The following MMP9 variants were observed in gnomAD, a reference collection of about 807,000 sequenced individuals.
The protein encoded by MMP9 is matrix metalloproteinase-9.
In MMP9, 73 loss-of-function variants were observed where a neutral mutation model predicts 76.4. The observed-to-expected ratio is 0.96, with a 90% CI of 0.79 to 1.16. MMP9 has a LOEUF of 1.16. Ranked by LOEUF, MMP9 falls within the 50% of genes most tolerant of loss-of-function variation. The pLI is 0.00. For synonymous variants in MMP9, 412 were observed against 408.4 expected (o/e 1.01, Z -0.11); for missense variants, 943 against 973.0 (o/e 0.97, Z 0.41).
chr20:46,009,778 C>T, intron 1 of MMP9, 88 bp from the exon 2 acceptor site: 1 of 1,140,612 alleles, frequency 8.8e-7, no homozygotes, highest in Non-Finnish European at 1.3e-6. Flanking sequence ...AAGACTCCCT[C>T]CATGAGTGTC....
chr20:46,010,331 A>AAACAAAAAAAAAC, intron 2 of MMP9, 152 bp from the exon 3 acceptor site: 22 of 762,132 alleles, frequency 2.9e-5, no homozygotes, highest in Non-Finnish European at 2.9e-5. Flanking sequence ...CAAAAAAAAA[A>AAACAAAAAAAAAC]AAAAAAAAAA....
At position 46,010,583 on chromosome 20, in the gene MMP9, C is replaced by T; in HGVS notation, c.472C>T (p.Arg158Cys). ...WSAVTPLTFT[R>C]VYSRDADIVI... ...CGCGGTGACGCCGCTCACCTTCACT[C>T]GCGTGTACAGCCGGGACGCAGACAT... Residue 158 changes from arginine to cysteine, a missense_variant, in exon 3 of 13, where the codon CGC (arginine) becomes TGC (cysteine). Physicochemically the swap from Arg to Cys is radical, Grantham distance 180. Transcript: ENST00000372330. 2.5e-6 allele frequency: 4 copies of T among 1,614,134 alleles called. No homozygotes were observed. Among genetic ancestry groups the T allele is most frequent in the Non-Finnish European group, 1.7e-6 (2 of 1,180,014 alleles).
intron 6 of MMP9, 62 bp from the exon 7 acceptor site, chr20:46,012,075 C>G: frequency 1.9e-6 from 3 of 1,589,846 alleles, no homozygotes; most frequent in Non-Finnish European, 8.6e-7. Context: ...CCTGTCGGGT[C>G]GGCCCCTGAC....
Position 46,012,330 on chromosome 20 carries a change from G to T in MMP9, c.1174+17G>T, listed in dbSNP as rs752391096. 6.2e-7 allele frequency: 1 copy of T among 1,612,748 alleles called. No homozygotes were observed. Among genetic ancestry groups the T allele is most frequent in the African/African-American group, 1.3e-5 (1 of 75,064 alleles). On this transcript the variant is annotated intron_variant, in intron 7 of 12. Transcript: ENST00000372330. ...CGGACCAAGGTAGGCGTGGTCCCGC[G>T]GCTCCGGGGCTGGGGTTCCCGGCAG... is the stretch of plus-strand genomic sequence containing the variant.
chr20:46,010,328 A>AACAAACAAACAAAC (rs759197259), intron 2 of MMP9, among the ~76,000 whole-genome samples, 155 bp from the exon 3 acceptor site: 17 of 108,648 alleles, frequency 1.6e-4, no homozygotes, highest in Admixed American at 3.2e-4. Flanking sequence ...AGACAAAAAA[A>AACAAACAAACAAAC]AAAAAAAAAA....
At chr20:46,014,310 G>A (rs1051267993) in intron 11 of MMP9, 36 bp downstream of exon 11, 40 of 1,536,296 alleles carry the variant, frequency 2.6e-5, no homozygotes, top group Non-Finnish European at 3.3e-5. Flanking sequence ...GGGGGAGCCC[G>A]GGCGCCGTCG....
At position 46,012,416 on chromosome 20, in the gene MMP9, T is replaced by C; in HGVS notation, c.1175-11T>C. The C allele has an allele frequency of 6.2e-7, 1 of 1,613,958 alleles. No homozygotes were observed. The highest frequency in any genetic ancestry group is 1.1e-5 in the South Asian group (1 of 91,080). On this transcript the variant is annotated splice_polypyrimidine_tract_variant and intron_variant, in intron 7 of 12. Coordinates refer to ENST00000372330, the MANE Select transcript of MMP9 (RefSeq NM_004994.3). ...CCCGGCGCTCACGTCTCAGGCTCCC[T>C]CTCCCTCCAGGATACAGTTTGTTCC...
At position 46,011,230 on chromosome 20, in the gene MMP9, C is replaced by T. The variant is rs771359021; in HGVS notation, c.737C>T (p.Thr246Ile). ...FEGRSYSACT[T>I]DGRSDGLPWC... ...GGCCGCTCCTACTCTGCCTGCACCA[C>T]CGACGGTCGCTCCGACGGCTTGCCC... is the stretch of plus-strand genomic sequence containing the variant. The change falls in exon 5 of 13, where the codon ACC becomes ATC. Residue 246 changes from threonine to isoleucine, a missense_variant. Coordinates refer to ENST00000372330, the MANE Select transcript of MMP9 (RefSeq NM_004994.3). 6.2e-6 allele frequency: 10 copies of T among 1,613,726 alleles called. No individual in the cohort carries two copies. In the East Asian group the frequency reaches 1.8e-4, roughly 29 times the overall value.
At position 46,010,108 on chromosome 20, in the gene MMP9, G is replaced by A; in HGVS notation, c.371+10G>A. 2 of 1,542,216 alleles carry A rather than the reference G, an allele frequency of 1.3e-6. No homozygotes were observed. Among genetic ancestry groups the A allele is most frequent in the Non-Finnish European group, 8.8e-7 (1 of 1,140,934 alleles). ...ACAACATCACCTATTGGTGAGCCGG[G>A]GCCGTGGGGGCAGCGGGGTGGGGCG... On this transcript the variant is annotated intron_variant, in intron 2 of 12. Transcript: ENST00000372330.
rs1356018321 is a variant in MMP9 at position 46,010,331 on chromosome 20, A to AAAAACAAAACAAAAC, written c.372-148_372-147insCAAAACAAAACAAAA. 13 of 762,264 alleles carry AAAAACAAAACAAAAC rather than the reference A, an allele frequency of 1.7e-5. No homozygotes were observed. In the African/African-American group the frequency reaches 2.3e-4, roughly 13 times the overall value. 47.2% of individuals were successfully genotyped at this position (762,264 alleles called of 1,614,324 possible). A position where few individuals can be genotyped will look rare whatever the true frequency, so the allele number is the denominator to read the frequency against. ...GAGGGTCTAAGTAGACAAAAAAAAA[A>AAAAACAAAACAAAAC]AAAAAAAAAACAGTCTGGAAGCAAT... On this transcript the variant is annotated intron_variant, in intron 2 of 12. Coordinates refer to ENST00000372330, the MANE Select transcript of MMP9 (RefSeq NM_004994.3).
chr20:46,014,348 G>C, intron 11 of MMP9, 23 bp from the exon 12 acceptor site: 1 of 1,545,156 alleles, frequency 6.5e-7, no homozygotes, highest in Non-Finnish European at 8.7e-7. Flanking sequence ...CTCAGCACCT[G>C]TCTCCTCCGC....
At chr20:46,014,295 C>T (rs1421115295) in intron 11 of MMP9, 21 bp downstream of exon 11, 4 of 1,529,150 alleles carry the variant, frequency 2.6e-6, no homozygotes, top group African/African-American at 2.8e-5. Context: ...CCGCGGCCGC[C>T]GGCAGGGGGA....
Position 46,013,588 on chromosome 20 carries a change from C to T in MMP9, c.1610+54C>T, listed in dbSNP as rs2084298739. The T allele has an allele frequency of 1.9e-6, 3 of 1,611,220 alleles. No homozygotes were observed. Among genetic ancestry groups the T allele is most frequent in the Non-Finnish European group, 2.5e-6 (3 of 1,178,148 alleles). On this transcript the variant is annotated intron_variant, in intron 9 of 12. Transcript: ENST00000372330. This position sits in a 1 kb window ranked among gnomAD's most constrained non-coding sequence, Gnocchi z 4.5. ...GAGGGGGCTTTGCGGAGGGGCTGCC[C>T]GTCCCTTCCCGCCCACTGGCCCTGT...
In MMP9 at chr20:46,016,282, T is replaced by C; in HGVS notation, c.2038T>C (p.Trp680Arg). 6.2e-7 allele frequency: 1 copy of C among 1,614,266 alleles called. No individual in the cohort carries two copies. Among genetic ancestry groups the C allele is most frequent in the South Asian group, 1.1e-5 (1 of 91,090 alleles). Residue 680 changes from tryptophan (W) to arginine (R), a missense_variant, in exon 13 of 13, where the codon TGG becomes CGG. Physicochemically the swap from Trp to Arg is moderately radical, Grantham distance 101. Coordinates refer to ENST00000372330, the MANE Select transcript of MMP9 (RefSeq NM_004994.3). The part of the protein sequence containing the change: ...KAYFCQDRFY[W>R]RVSSRSELNQ... ...CTATTTCTGCCAGGACCGCTTCTAC[T>C]GGCGCGTGAGTTCCCGGAGTGAGTT... is the stretch of plus-strand genomic sequence containing the variant.
At chr20:46,010,458 C>G (rs776564549) in intron 2 of MMP9, 25 bp from the exon 3 acceptor site, 1 of 1,613,636 alleles carries the variant, frequency 6.2e-7, no homozygotes, top group Non-Finnish European at 8.5e-7. Context: ...CTTCTGACCT[C>G]CTTCCTCTGG....
Position 46,013,692 on chromosome 20 carries a change from G to A in MMP9, c.1646G>A (p.Arg549Gln), listed in dbSNP as rs2084299808. Residue 549 changes from arginine to glutamine, a missense_variant, in exon 10 of 13, where the codon CGG (arginine) becomes CAG (glutamine). Physicochemically the swap from Arg to Gln is conservative, Grantham distance 43. Coordinates refer to ENST00000372330, the MANE Select transcript of MMP9 (RefSeq NM_004994.3). The surrounding 1 kb of genome is among the most constrained non-coding windows in gnomAD (Gnocchi z 4.5). ...YWRFSEGRGS[R>Q]PQGPFLIADK... The stretch of plus-strand genomic sequence containing the variant: ...CGATTCTCTGAGGGCAGGGGGAGCC[G>A]GCCGCAGGGCCCCTTCCTTATCGCC... The A allele has an allele frequency of 2.5e-6, 4 of 1,613,514 alleles. No homozygotes were observed. The highest frequency in any genetic ancestry group is 1.3e-5 in the African/African-American group (1 of 74,886).
Position 46,013,092 on chromosome 20 carries a change from G to A in MMP9, c.1331-163G>A, listed in dbSNP as rs3787268. 0.18 allele frequency among the ~76,000 whole-genome samples: 26,885 copies of A among 151,524 alleles called. 2,703 individuals are homozygous for A. Among genetic ancestry groups the A allele is most frequent in the East Asian group, 0.4 (1,937 of 4,884 alleles). ...GGCCATAGAGGATGTCGCTTAAAAC[G>A]AAAAAGAAGAAGAAGAAAGTCCTGT... On this transcript the variant is annotated intron_variant, in intron 8 of 12. Transcript: ENST00000372330. This position sits in a 1 kb window ranked among gnomAD's most constrained non-coding sequence, Gnocchi z 4.5.
chr20:46,012,415 C>T lies in MMP9; in HGVS notation c.1175-12C>T. 1 of 1,614,044 alleles carries T rather than the reference C, an allele frequency of 6.2e-7. No individual in the cohort carries two copies. Reference sequence around the variant, plus strand: ...GCCCGGCGCTCACGTCTCAGGCTCCCTCTCCCTCCAGGATACAGTTTGTTC... The same window carrying T: ...GCCCGGCGCTCACGTCTCAGGCTCCTTCTCCCTCCAGGATACAGTTTGTTC... On this transcript the variant is annotated splice_polypyrimidine_tract_variant and intron_variant, in intron 7 of 12. Transcript: ENST00000372330.
rs754588801 is a variant in MMP9, at chr20:46,012,540, C to G, written c.1288C>G (p.Pro430Ala). The change falls in exon 8 of 13, where the codon CCC (proline) becomes GCC (alanine). Residue 430 changes from proline to alanine, a missense_variant. Transcript: ENST00000372330. ...TATGTACCGCTTCACTGAGGGGCCC[C>G]CCTTGCATAAGGACGACGTGAATGG... The part of the protein sequence containing the change: ...YPMYRFTEGP[P>A]LHKDDVNGIR... The G allele has an allele frequency of 1.9e-6, 3 of 1,614,062 alleles. No homozygotes were observed. Among genetic ancestry groups the G allele is most frequent in the East Asian group, 4.5e-5 (2 of 44,872 alleles).
Sources: gnomAD v4.1 joint callset for allele counts (sites outside exome capture counted in the v4.1 genomes callset) on GRCh38, gnomAD v4.1.1 for gene constraint, Gnocchi (gnomAD v3.1) non-coding constraint, MANE v1.5 for transcripts, NCBI Gene and HGNC (gene_info 2026-07-23, HGNC 2026-07-21) for gene names.